NXPE3: variants seen among roughly 807,000 people sequenced by gnomAD.
NXPE3 encodes neurexophilin and PC-esterase domain family member 3, also known as NXPE family member 3.
Under a neutral mutation model 46.1 loss-of-function variants are expected in NXPE3, and 26 were observed. The observed-to-expected ratio is 0.56, with a 90% CI of 0.41 to 0.78. The LOEUF (loss-of-function observed/expected upper bound fraction) is 0.78, where lower values mean the gene tolerates loss of function less well. NXPE3 is among the 30% of genes least tolerant of loss of function. The pLI is 0.00. For missense variants in NXPE3, 620 were observed against 686.0 expected, an observed-to-expected ratio of 0.90 and a Z score of 1.07; for synonymous variants, 272 against 257.9, an observed-to-expected ratio of 1.05 and a Z score of -0.52.
intron 7 of NXPE3, among the ~76,000 whole-genome samples, chr3:101,818,715 TTATATATATATATATATATA>T (rs61602305): frequency 6.0e-4 from 23 of 38,048 alleles, no homozygotes; most frequent in African/African-American, 1.1e-3. Context: ...ATATGACAAT[TTATATATATATATATATATA>T]TATATATATA....
intron 3 of NXPE3, 105 bp downstream of exon 3, chr3:101,782,885 C>A (rs1939911300): frequency 6.6e-6 from 1 of 152,176 alleles, no homozygotes; most frequent in African/African-American, 2.4e-5. Context: ...TGGTCTCAAG[C>A]AAACCTCCTG....
chr3:101,821,222 A>G (rs985320550), intron 7 of NXPE3, among the ~76,000 whole-genome samples, 182 bp from the exon 8 acceptor site: 9 of 152,186 alleles, frequency 5.9e-5, no homozygotes, highest in African/African-American at 1.9e-4. Context: ...ATGTTAGAAT[A>G]AAGGCCCATT....
rs1156484920 is a variant in NXPE3 at position 101,785,498 on chromosome 3, C to T, written c.-99C>T. The stretch of plus-strand genomic sequence containing the variant: ...ACTAGCAGGATAGAAGCAAATGAAA[C>T]TGAAAGCTCATCTGCAGCTCAGAAA... On this transcript the variant is annotated 5_prime_UTR_variant, in exon 4 of 8. Transcript: ENST00000273347. 4.9e-6 allele frequency: 5 copies of T among 1,028,336 alleles called. No individual in the cohort carries two copies. The Admixed American group carries it at 8.6e-5, about 18-fold the overall frequency. 63.7% of individuals were successfully genotyped at this position (1,028,336 alleles called of 1,614,324 possible). A position where few individuals can be genotyped will look rare whatever the true frequency, so the allele number is the denominator to read the frequency against.
rs3796277 is a variant in NXPE3 at position 101,821,794 on chromosome 3, C to T, written c.1520C>T (p.Thr507Ile). The T allele has an allele frequency of 8.9e-4, 1,429 of 1,614,192 alleles. 12 individuals carry two copies. The East Asian group carries it at 0.021, about 23-fold the overall frequency. Residue 507 changes from threonine to isoleucine, a missense_variant, in exon 8 of 8, where the codon ACC (threonine) becomes ATC (isoleucine). Physicochemically the swap from Thr to Ile is moderately conservative, Grantham distance 89. This residue lies in a region of NXPE3 where 75 missense variants were observed against 121.1 expected (regional missense o/e 0.62). Coordinates refer to ENST00000273347, the MANE Select transcript of NXPE3 (RefSeq NM_145037.4). The stretch of plus-strand genomic sequence containing the variant: ...GACTGGTACAACTTTCAGCTGGACA[C>T]CATCCTTCGGAGGATGTTCTCAGGG... Reference protein sequence around the residue: ...NSDWYNFQLDTILRRMFSGVG... With the variant: ...NSDWYNFQLDIILRRMFSGVG...
chr3:101,821,046 A>G (rs1405753929), intron 7 of NXPE3, among the ~76,000 whole-genome samples: 1 of 152,222 alleles, frequency 6.6e-6, no homozygotes, highest in Non-Finnish European at 1.5e-5. Context: ...ACATAGATAA[A>G]AAAGATTGCA....
chr3:101,808,477 G>A (rs957309558), intron 6 of NXPE3, among the ~76,000 whole-genome samples: 1 of 152,024 alleles, frequency 6.6e-6, no homozygotes, highest in Non-Finnish European at 1.5e-5. Flanking sequence ...TGAAGAGCAA[G>A]GACCATCTCA....
chr3:101,784,894 G>A (rs1011058448), intron 3 of NXPE3, among the ~76,000 whole-genome samples: 2 of 152,052 alleles, frequency 1.3e-5, no homozygotes, highest in Admixed American at 6.6e-5. Flanking sequence ...AGTGTGTCGC[G>A]TCTCCTGCCA....
chr3:101,812,860 C>G (rs1229905621), intron 6 of NXPE3, among the ~76,000 whole-genome samples: 1 of 141,888 alleles, frequency 7.0e-6, no homozygotes, highest in Non-Finnish European at 1.5e-5. Context: ...GGACTAGCTA[C>G]TCTCTAAGGT....
rs115826451 is a variant in NXPE3, at chr3:101,822,969, T to G, written c.*1015T>G. 6.6e-6 allele frequency: 1 copy of G among 152,104 alleles called. No individual in the cohort carries two copies. Among genetic ancestry groups the G allele is most frequent in the Non-Finnish European group, 1.5e-5 (1 of 68,026 alleles). 9.4% of individuals were successfully genotyped at this position (152,104 alleles called of 1,614,324 possible). A position where few individuals can be genotyped will look rare whatever the true frequency, so the allele number is the denominator to read the frequency against. ...TTGTTTGTTTGTTTGTTTTTTGGTA[T>G]TTCTTGATTTGGGCATAAAAGGCAC... On this transcript the variant is annotated 3_prime_UTR_variant, in exon 8 of 8. Coordinates refer to ENST00000273347, the MANE Select transcript of NXPE3 (RefSeq NM_145037.4).
At chr3:101,802,243 A>G (rs1234262955) in intron 5 of NXPE3, among the ~76,000 whole-genome samples, 3 of 152,186 alleles carry the variant, frequency 2.0e-5, no homozygotes, top group Non-Finnish European at 4.4e-5. Context: ...TTACCCTCAT[A>G]TCTGTGTTTT....
At chr3:101,800,194 T>G (rs1941063026) in intron 4 of NXPE3, among the ~76,000 whole-genome samples, 2 of 152,222 alleles carry the variant, frequency 1.3e-5, no homozygotes. Flanking sequence ...ATATGTATAG[T>G]ACTATGAATT....
At chr3:101,788,275 A>G in intron 4 of NXPE3, among the ~76,000 whole-genome samples, 1 of 152,004 alleles carries the variant, frequency 6.6e-6, no homozygotes, top group East Asian at 1.9e-4. Context: ...TGTTCTGGAT[A>G]TTCACTCCTT....
intron 4 of NXPE3, 47 bp downstream of exon 4, chr3:101,785,736 G>A: frequency 6.6e-7 from 1 of 1,505,176 alleles, no homozygotes; most frequent in Non-Finnish European, 9.2e-7. Context: ...CCGAGTCTGG[G>A]GATCTGGGGC....
At chr3:101,817,037 C>T in intron 7 of NXPE3, 36 bp downstream of exon 7, 1 of 1,566,262 alleles carries the variant, frequency 6.4e-7, no homozygotes, top group Non-Finnish European at 8.8e-7. Context: ...AACTCTTTCC[C>T]ACATCAGCTT....
intron 5 of NXPE3, among the ~76,000 whole-genome samples, chr3:101,805,328 C>T (rs547112442): frequency 2.6e-5 from 4 of 151,966 alleles, no homozygotes; most frequent in African/African-American, 9.6e-5. Flanking sequence ...CTAATCTATG[C>T]TTACTCAGTG....
Position 101,825,506 on chromosome 3 carries a change from T to C in NXPE3, c.*3552T>C, listed in dbSNP as rs569020381. The stretch of plus-strand genomic sequence containing the variant: ...AAAACTATAAAATCTAGAAGAAAAA[T>C]CTATGGATAAAATCCATAATTCTAT... On this transcript the variant is annotated 3_prime_UTR_variant, in exon 8 of 8. Transcript: ENST00000273347. 4.6e-5 allele frequency: 7 copies of C among 152,284 alleles called. No individual in the cohort carries two copies. The highest frequency in any genetic ancestry group is 1.7e-4 in the African/African-American group (7 of 41,574). The allele number at this position is 152,284 out of a possible 1,614,324, so 9.4% of individuals were successfully genotyped here. A position where few individuals can be genotyped will look rare whatever the true frequency, so the allele number is the denominator to read the frequency against.
chr3:101,808,840 T>TATATATATATATATATATATAG (rs1941564532), intron 6 of NXPE3, among the ~76,000 whole-genome samples: 1 of 110,738 alleles, frequency 9.0e-6, no homozygotes, highest in Non-Finnish European at 1.8e-5. Flanking sequence ...TATATATATA[T>TATATATATATATATATATATAG]ATATATATAT....
intron 4 of NXPE3, among the ~76,000 whole-genome samples, chr3:101,788,828 C>T (rs369095138): frequency 2.6e-5 from 4 of 152,086 alleles, no homozygotes; most frequent in East Asian, 1.9e-4. Flanking sequence ...GTTGGCCAGG[C>T]GGGTCTTGAA....
chr3:101,810,763 T>C (rs2107326095), intron 6 of NXPE3, among the ~76,000 whole-genome samples: 1 of 152,304 alleles, frequency 6.6e-6, no homozygotes, highest in Non-Finnish European at 1.5e-5. Flanking sequence ...AATGGGAAAC[T>C]CAGTCTTACA....
Sources: gnomAD v4.1 joint callset for allele counts (sites outside exome capture counted in the v4.1 genomes callset) on GRCh38, gnomAD v4.1.1 for gene constraint, gnomAD v4.1.1 regional missense constraint, MANE v1.5 for transcripts, NCBI Gene and HGNC (gene_info 2026-07-23, HGNC 2026-07-21) for gene names.